The following LUC7L2 variants were observed in gnomAD, a reference collection of about 807,000 sequenced individuals.
LUC7L2 encodes LUC7 like 2, pre-mRNA splicing factor.
LUC7L2 carries 25 observed loss-of-function variants against 52.8 expected under a neutral mutation model. That is an observed-to-expected ratio of 0.47 (90% CI 0.34 to 0.66). LUC7L2 has a LOEUF of 0.66. Ranked by LOEUF, LUC7L2 falls within the 30% of genes least tolerant of loss-of-function variation. The probability of loss-of-function intolerance (pLI) is 0.01; values close to 1 mark genes in which losing one functional copy is unlikely to be tolerated. For missense variants in LUC7L2, 328 were observed against 497.8 expected (o/e 0.66, Z 3.25); for synonymous variants, 144 against 160.9 (o/e 0.89, Z 0.80).
chr7:139,356,871 C>T (rs2131166065), upstream of LUC7L2, among the ~76,000 whole-genome samples: 1 of 152,260 alleles, frequency 6.6e-6, no homozygotes, highest in Admixed American at 6.5e-5. Flanking sequence ...GAAATGATCC[C>T]AGATGGACAG....
At chr7:139,412,486 T>G in intron 7 of LUC7L2, 65 bp from the exon 8 acceptor site, 1 of 1,523,786 alleles carries the variant, frequency 6.6e-7, no homozygotes, top group East Asian at 2.3e-5. Flanking sequence ...AAGAATATAA[T>G]GTAACACTGC....
intron 2 of LUC7L2, among the ~76,000 whole-genome samples, chr7:139,395,907 C>G (rs915582618): frequency 6.6e-6 from 1 of 152,126 alleles, no homozygotes; most frequent in African/African-American, 2.4e-5. Context: ...CTTGGCCCCC[C>G]GAAGTGCTGG....
intron 2 of LUC7L2, chr7:139,392,716 T>G (rs1794495121): frequency 5.5e-6 from 1 of 180,426 alleles, no homozygotes; most frequent in African/African-American, 2.4e-5. Flanking sequence ...AGTGCAATGG[T>G]GTGATCTTGG....
At chr7:139,349,136 A>C (rs1042095815) in intron 1 of LUC7L2, among the ~76,000 whole-genome samples, 2 of 152,254 alleles carry the variant, frequency 1.3e-5, no homozygotes, top group African/African-American at 2.4e-5. Context: ...CCTGGGCAAC[A>C]GAGCAAGACT....
intron 9 of LUC7L2, among the ~76,000 whole-genome samples, chr7:139,420,801 AT>A (rs1217107380): frequency 6.6e-6 from 1 of 151,470 alleles, no homozygotes; most frequent in African/African-American, 2.4e-5. Flanking sequence ...TGGCACTGTG[AT>A]TTTTTGTTGT....
chr7:139,379,330 T>C (rs1800868094), intron 2 of LUC7L2, among the ~76,000 whole-genome samples: 2 of 151,336 alleles, frequency 1.3e-5, no homozygotes, highest in African/African-American at 4.9e-5. Flanking sequence ...AGTAAGACTC[T>C]GTCACAAAGG....
intron 9 of LUC7L2, among the ~76,000 whole-genome samples, chr7:139,419,507 G>C (rs963442535): frequency 6.6e-6 from 1 of 152,208 alleles, no homozygotes; most frequent in African/African-American, 2.4e-5. Flanking sequence ...TTTTTTAAAA[G>C]TTACCTGTCT....
At chr7:139,349,724 C>T (rs542772728) in intron 1 of LUC7L2, among the ~76,000 whole-genome samples, 2 of 152,142 alleles carry the variant, frequency 1.3e-5, no homozygotes, top group Non-Finnish European at 2.9e-5. Flanking sequence ...CTACTACCCG[C>T]TGTTCCTCTT....
In LUC7L2 at chr7:139,423,314, TG is replaced by T. The variant is rs1358013497; in HGVS notation, c.*977del. ...AAAGATTCCAGATGAGCTGTTCATG[TG>T]GGCCCCTTGCTGACTATATTCCAGC... On this transcript the variant is annotated 3_prime_UTR_variant, in exon 10 of 10. Coordinates refer to ENST00000354926, the MANE Select transcript of LUC7L2 (RefSeq NM_016019.5). 1 of 398,970 alleles carries T rather than the reference TG, an allele frequency of 2.5e-6. No homozygotes were observed. The highest frequency in any genetic ancestry group is 2.1e-5 in the African/African-American group (1 of 48,642). 24.7% of individuals were successfully genotyped at this position (398,970 alleles called of 1,614,324 possible).
At chr7:139,367,913 C>T (rs1302132006) in intron 1 of LUC7L2, among the ~76,000 whole-genome samples, 1 of 152,176 alleles carries the variant, frequency 6.6e-6, no homozygotes, top group African/African-American at 2.4e-5. Context: ...GGAAAAGCTG[C>T]TTATCAAAGA....
At chr7:139,420,818 A>AGAT (rs1467016602) in intron 9 of LUC7L2, among the ~76,000 whole-genome samples, 1 of 151,614 alleles carries the variant, frequency 6.6e-6, no homozygotes, top group Non-Finnish European at 1.5e-5. Context: ...GTTGTTGTTG[A>AGAT]GATGGAGTCT....
intron 2 of LUC7L2, among the ~76,000 whole-genome samples, chr7:139,393,357 G>A (rs1794527101): frequency 6.6e-6 from 1 of 152,110 alleles, no homozygotes; most frequent in Non-Finnish European, 1.5e-5. Flanking sequence ...CTTGACCCTG[G>A]GAGGTAGGGT....
chr7:139,420,203 T>A (rs1795827510), intron 9 of LUC7L2, among the ~76,000 whole-genome samples: 1 of 152,084 alleles, frequency 6.6e-6, no homozygotes. Flanking sequence ...TTAGGCTAAG[T>A]AATTTATTTT....
At chr7:139,356,657 T>C (rs1318846181), upstream of LUC7L2, among the ~76,000 whole-genome samples, 1 of 151,346 alleles carries the variant, frequency 6.6e-6, no homozygotes, top group East Asian at 1.9e-4. Context: ...TTGAGTGTTG[T>C]AGGCCACACA....
At chr7:139,353,389 G>C (rs1417125414) in intron 1 of LUC7L2, among the ~76,000 whole-genome samples, 2 of 152,100 alleles carry the variant, frequency 1.3e-5, no homozygotes, top group African/African-American at 4.8e-5. Flanking sequence ...TAATTACCTA[G>C]TTTTAAATGT....
intron 2 of LUC7L2, among the ~76,000 whole-genome samples, chr7:139,390,544 C>T (rs1794401824): frequency 6.9e-6 from 1 of 144,338 alleles, no homozygotes; most frequent in Non-Finnish European, 1.5e-5. Context: ...TGTCTTATTA[C>T]TTAGACAATG....
At chr7:139,375,192 G>A (rs1800646194) in intron 1 of LUC7L2, 2 of 984,194 alleles carry the variant, frequency 2.0e-6, no homozygotes, top group African/African-American at 3.5e-5. Flanking sequence ...TGTTATTGGA[G>A]CTAGTTACCT....
intron 2 of LUC7L2, among the ~76,000 whole-genome samples, chr7:139,389,925 G>C (rs1794357779): frequency 6.6e-6 from 1 of 152,158 alleles, no homozygotes; most frequent in Non-Finnish European, 1.5e-5. Flanking sequence ...GAAAACAGAA[G>C]TTCAGCTGGC....
intron 2 of LUC7L2, among the ~76,000 whole-genome samples, chr7:139,378,255 T>G (rs1018748530): frequency 6.6e-6 from 1 of 152,180 alleles, no homozygotes; most frequent in African/African-American, 2.4e-5. Flanking sequence ...GTATAAAATT[T>G]AACTTTATTT....
Sources: allele counts gnomAD v4.1 joint callset (sites outside exome capture counted in the v4.1 genomes callset), GRCh38; gene constraint gnomAD v4.1.1; transcripts MANE v1.5; gene names NCBI Gene and HGNC (gene_info 2026-07-23, HGNC 2026-07-21).